The following MGAT4C variants were observed in gnomAD, a reference collection of about 807,000 sequenced individuals.
The protein encoded by MGAT4C is alpha-1,3-mannosyl-glycoprotein 4-beta-N-acetylglucosaminyltransferase C.
In MGAT4C, 19 loss-of-function variants were observed where a neutral mutation model predicts 40.1. The ratio of observed to expected loss-of-function variants is 0.47; its 90% CI spans 0.33 to 0.70. The LOEUF is 0.70. Ranked by LOEUF, MGAT4C falls within the 30% of genes least tolerant of loss-of-function variation. MGAT4C has a pLI of 0.02. For missense variants in MGAT4C, 491 were observed against 563.2 expected (o/e 0.87, Z 1.30); for synonymous variants, 181 against 187.1 (o/e 0.97, Z 0.27).
intron 1 of MGAT4C, among the ~76,000 whole-genome samples, chr12:86,114,236 A>G (rs844431): frequency 0.58 from 87,380 of 151,402 alleles, 25,486 homozygotes; most frequent in South Asian, 0.72. Context: ...TTCTTTTGGT[A>G]TTCCTTAAAT....
At chr12:86,640,417 GT>G (rs928874306) in intron 2 of MGAT4C, among the ~76,000 whole-genome samples, 125 of 151,936 alleles carry the variant, frequency 8.2e-4, no homozygotes, top group African/African-American at 2.8e-3. Context: ...CTGTCCATAA[GT>G]TTTAAGAATT....
chr12:86,762,375 C>T (rs2136153847), intron 1 of MGAT4C, among the ~76,000 whole-genome samples: 1 of 152,112 alleles, frequency 6.6e-6, no homozygotes. Context: ...TTATATGGGG[C>T]TTAGGGTCCT....
intron 1 of MGAT4C, among the ~76,000 whole-genome samples, chr12:86,099,516 A>G (rs1459562810): frequency 6.6e-6 from 1 of 151,458 alleles, no homozygotes; most frequent in African/African-American, 2.4e-5. Context: ...GAAAGAAACA[A>G]ATAACTCCAT....
chr12:86,039,355 C>A (rs983131165), intron 2 of MGAT4C, among the ~76,000 whole-genome samples: 1 of 152,186 alleles, frequency 6.6e-6, no homozygotes, highest in Non-Finnish European at 1.5e-5. Flanking sequence ...TTCAGGTACA[C>A]CTATCAAATG....
At chr12:86,578,201 T>C (rs1337736306) in intron 2 of MGAT4C, among the ~76,000 whole-genome samples, 4 of 151,796 alleles carry the variant, frequency 2.6e-5, no homozygotes, top group East Asian at 1.9e-4. Flanking sequence ...TGCTAATGCA[T>C]AGGCAGAATT....
intron 3 of MGAT4C, among the ~76,000 whole-genome samples, chr12:86,426,746 G>A (rs985249314): frequency 6.6e-6 from 1 of 152,164 alleles, no homozygotes; most frequent in Non-Finnish European, 1.5e-5. Flanking sequence ...AGGAGATCGA[G>A]ACCATCCTGG....
intron 2 of MGAT4C, among the ~76,000 whole-genome samples, chr12:86,629,496 G>C (rs965433820): frequency 2.6e-5 from 4 of 152,056 alleles, no homozygotes; most frequent in African/African-American, 4.8e-5. Context: ...TGACCACATA[G>C]TTGGAAGTAA....
At chr12:86,804,424 T>TA (rs1358045627) in intron 1 of MGAT4C, among the ~76,000 whole-genome samples, 1 of 150,086 alleles carries the variant, frequency 6.7e-6, no homozygotes, top group African/African-American at 2.4e-5. Flanking sequence ...AATAAAAAAA[T>TA]AAAAAAATAA....
At chr12:86,836,717 C>A (rs1445330008) in intron 1 of MGAT4C, among the ~76,000 whole-genome samples, 1 of 152,000 alleles carries the variant, frequency 6.6e-6, no homozygotes, top group Non-Finnish European at 1.5e-5. Context: ...TCCTGATTTT[C>A]ATATATGTTA....
In MGAT4C at chr12:86,450,685, C is replaced by T. The variant is rs111820171; in HGVS notation, c.-228-15420G>A. ...GAATTAATTACCTTGTATTATGTAA[C>T]CTGGTGATCAAGCTTCTTTCTTTTT... On this transcript the variant is annotated intron_variant, in intron 2 of 7. Coordinates refer to the MGAT4C transcript ENST00000548651. Among the ~76,000 whole-genome samples, 987 of 151,960 alleles carry T rather than the reference C, an allele frequency of 6.5e-3. 11 individuals carry two copies. The highest frequency in any genetic ancestry group is 0.023 in the African/African-American group (943 of 41,468).
intron 2 of MGAT4C, among the ~76,000 whole-genome samples, chr12:86,464,499 C>T (rs1957651576): frequency 6.6e-6 from 1 of 152,112 alleles, no homozygotes; most frequent in African/African-American, 2.4e-5. Context: ...CATCTATATT[C>T]TCCACATACA....
At chr12:86,693,958 G>C (rs534492938) in intron 2 of MGAT4C, among the ~76,000 whole-genome samples, 1 of 152,098 alleles carries the variant, frequency 6.6e-6, no homozygotes, top group East Asian at 1.9e-4. Context: ...TTCATTACCC[G>C]TCAGCTTCTT....
intron 2 of MGAT4C, among the ~76,000 whole-genome samples, chr12:86,040,551 C>G (rs978051838): frequency 6.6e-6 from 1 of 152,208 alleles, no homozygotes; most frequent in Non-Finnish European, 1.5e-5. Flanking sequence ...AAACTGCCTA[C>G]TTAAGCCTCA....
chr12:86,607,245 A>T (rs7965463), intron 2 of MGAT4C, among the ~76,000 whole-genome samples: 1 of 151,850 alleles, frequency 6.6e-6, no homozygotes, highest in Non-Finnish European at 1.5e-5. Context: ...AATGGAAGAA[A>T]CTAATATTTT....
At chr12:86,730,756 A>G (rs1950894730) in intron 1 of MGAT4C, among the ~76,000 whole-genome samples, 1 of 152,140 alleles carries the variant, frequency 6.6e-6, no homozygotes, top group South Asian at 2.1e-4. Context: ...GTTAAAGAGG[A>G]TATCTAAGTA....
intron 2 of MGAT4C, among the ~76,000 whole-genome samples, chr12:86,678,345 T>C (rs556308383): frequency 6.6e-6 from 1 of 152,228 alleles, no homozygotes; most frequent in Non-Finnish European, 1.5e-5. Flanking sequence ...TTGTCATTTC[T>C]ACCTTCATCG....
intron 1 of MGAT4C, among the ~76,000 whole-genome samples, chr12:86,835,234 T>C (rs1953013386): frequency 2.0e-5 from 3 of 151,978 alleles, no homozygotes; most frequent in African/African-American, 7.2e-5. Flanking sequence ...TCAGTAGTCT[T>C]GAGACCCAAT....
chr12:86,832,749 C>A (rs1952956828), intron 1 of MGAT4C, among the ~76,000 whole-genome samples: 1 of 151,720 alleles, frequency 6.6e-6, no homozygotes, highest in South Asian at 2.1e-4. Flanking sequence ...CCTTAGCTAA[C>A]CACGTAATCT....
intron 2 of MGAT4C, among the ~76,000 whole-genome samples, chr12:86,694,111 A>G (rs1366463297): frequency 6.6e-6 from 1 of 152,206 alleles, no homozygotes; most frequent in Non-Finnish European, 1.5e-5. Context: ...ATAAATTTCC[A>G]AATACATTAT....
Sources: gnomAD v4.1 joint callset for allele counts (sites outside exome capture counted in the v4.1 genomes callset) on GRCh38, gnomAD v4.1.1 for gene constraint, MANE v1.5 for transcripts, NCBI Gene and HGNC (gene_info 2026-07-23, HGNC 2026-07-21) for gene names.